TDRKH: variants seen among roughly 807,000 people sequenced by gnomAD.
The protein encoded by TDRKH is tudor and KH domain-containing protein.
TDRKH carries 28 observed loss-of-function variants against 61.3 expected under a neutral mutation model. The ratio of observed to expected loss-of-function variants is 0.46; its 90% CI spans 0.34 to 0.63. The LOEUF (loss-of-function observed/expected upper bound fraction) is 0.63, where lower values mean the gene tolerates loss of function less well. Ranked by LOEUF, TDRKH falls within the 20% of genes least tolerant of loss-of-function variation. The pLI, the probability that TDRKH is intolerant of heterozygous loss-of-function variation, is 0.01. For missense variants in TDRKH, 540 were observed against 683.4 expected (o/e 0.79, Z 2.34); for synonymous variants, 219 against 244.4 (o/e 0.90, Z 0.97).
chr1:151,783,604 T>C (rs1367787303), intron 1 of TDRKH: 1 of 152,282 alleles, frequency 6.6e-6, no homozygotes, highest in African/African-American at 2.4e-5. Flanking sequence ...CTACAGGTCA[T>C]GCATGGAGCC....
In TDRKH at chr1:151,778,780, A is replaced by G. The variant is rs758924494; in HGVS notation, c.788T>C (p.Val263Ala). The change falls in exon 6 of 13, where the codon GTG (valine) becomes GCG (alanine). Residue 263 changes from valine to alanine, a missense_variant. Val to Ala is a moderately conservative substitution (Grantham distance 64). Around this residue, in one of 3 missense-constraint regions of TDRKH, gnomAD observed 379 missense variants for 443.8 expected, o/e 0.85. Transcript: ENST00000368824. The part of the protein sequence containing the change: ...PPPKGGGDMA[V>A]VVSKEGSWEK... ...CCAGGAACCTTCCTTTGACACTACC[A>G]CAGCCATGTCGCCTCCTCCTTTGGG... 6.2e-7 allele frequency: 1 copy of G among 1,614,192 alleles called. No individual in the cohort carries two copies. Among genetic ancestry groups the G allele is most frequent in the South Asian group, 1.1e-5 (1 of 91,084 alleles).
chr1:151,788,601 C>A (rs144426686), intron 1 of TDRKH, among the ~76,000 whole-genome samples: 1 of 152,150 alleles, frequency 6.6e-6, no homozygotes, highest in Non-Finnish European at 1.5e-5. Flanking sequence ...CCATTAATAA[C>A]GTTGCAATTT....
At chr1:151,779,829 T>C (rs1649572360) in intron 4 of TDRKH, 122 bp downstream of exon 4, 4 of 1,006,310 alleles carry the variant, frequency 4.0e-6, no homozygotes, top group Non-Finnish European at 5.8e-6. Flanking sequence ...CTGGTCTCAA[T>C]GTCCCTTTTT....
At chr1:151,784,589 C>T (rs1221292084) in intron 1 of TDRKH, among the ~76,000 whole-genome samples, 4 of 152,180 alleles carry the variant, frequency 2.6e-5, no homozygotes. Flanking sequence ...CCATAGCACA[C>T]CCTCCTGGTT....
At chr1:151,769,640 A>C, downstream of TDRKH, 1 of 224,150 alleles carries the variant, frequency 4.5e-6, no homozygotes, top group Non-Finnish European at 8.8e-6. Context: ...ATGGGCGGCC[A>C]GGCAGAGACG....
Position 151,779,241 on chromosome 1 carries a change from C to G in TDRKH, c.423G>C (p.Gly141=), listed in dbSNP as rs376073272. 1.0e-4 allele frequency: 166 copies of G among 1,613,660 alleles called. No homozygotes were observed. Among genetic ancestry groups the G allele is most frequent in the Non-Finnish European group, 1.4e-4 (164 of 1,179,908 alleles). The stretch of plus-strand genomic sequence containing the variant: ...TAGAACGAATTGTCTCGCCGCCTCT[C>G]CCTACATTAAACAATATATAAAAAC... ...VPQRSVGRII[G]RGGETIRSIC... Residue 141 remains glycine (G), a splice_region_variant and synonymous_variant, in exon 5 of 13, where the codon GGG becomes GGC. Transcript: ENST00000368824.
Position 151,775,424 on chromosome 1 carries a change from T to TTGGCCAAGTTGAGATCCCAGTC in TDRKH, c.1380_1401dup (p.Lys468AspfsTer13). The TTGGCCAAGTTGAGATCCCAGTC allele has an allele frequency of 6.2e-7, 1 of 1,613,952 alleles. No individual in the cohort carries two copies. ...TTGCTAGTATCATATAAGTAGATCT[T>TTGGCCAAGTTGAGATCCCAGTC]TGGCCAAGTTGAGATCCCAGTCTGG... On this transcript the variant is annotated frameshift_variant, in exon 10 of 13. Coordinates refer to ENST00000368824, the MANE Select transcript of TDRKH (RefSeq NM_001083965.2). LOFTEE classifies it high-confidence loss of function.
At chr1:151,783,195 T>G (rs1283070484) in intron 1 of TDRKH, 146 bp from the exon 2 acceptor site, 1 of 629,734 alleles carries the variant, frequency 1.6e-6, no homozygotes, top group Non-Finnish European at 2.4e-6. Context: ...AAAATTTATT[T>G]CATATAAAAA....
chr1:151,786,756 G>A (rs189833495), intron 1 of TDRKH, among the ~76,000 whole-genome samples: 8 of 152,198 alleles, frequency 5.3e-5, no homozygotes, highest in Admixed American at 5.2e-4. Context: ...ATAATAAAAC[G>A]GCCTTTTACT....
downstream of TDRKH, chr1:151,772,130 G>A: frequency 2.6e-6 from 1 of 391,496 alleles, no homozygotes; most frequent in Non-Finnish European, 4.5e-6. Flanking sequence ...GCATCTTGCT[G>A]TGTCACACAG....
chr1:151,768,201 A>G (rs767830498), downstream of TDRKH: 2 of 1,613,566 alleles, frequency 1.2e-6, no homozygotes, highest in Non-Finnish European at 1.7e-6. Flanking sequence ...TGGATATCCC[A>G]TATCAGGCCT....
rs756412267 is a variant in TDRKH, at chr1:151,775,046, T to C, written c.1536+19A>G. 2 of 1,612,906 alleles carry C rather than the reference T, an allele frequency of 1.2e-6. No individual in the cohort carries two copies. Among genetic ancestry groups the C allele is most frequent in the South Asian group, 2.2e-5 (2 of 90,932 alleles). ...AGATTTGCCTGGAAGCAGCACCCTATATAACTACAATAGCTCACCATGTCC... is the reference window on the plus strand; with the variant it reads ...AGATTTGCCTGGAAGCAGCACCCTACATAACTACAATAGCTCACCATGTCC... On this transcript the variant is annotated intron_variant, in intron 11 of 12. Transcript: ENST00000368824.
At chr1:151,788,021 T>C (rs1378002721) in intron 1 of TDRKH, among the ~76,000 whole-genome samples, 1 of 151,378 alleles carries the variant, frequency 6.6e-6, no homozygotes, top group Non-Finnish European at 1.5e-5. Context: ...GGGCAAGATG[T>C]GTGTAGGTTA....
chr1:151,775,617 T>C, intron 9 of TDRKH, 74 bp from the exon 10 acceptor site: 1 of 1,544,354 alleles, frequency 6.5e-7, no homozygotes, highest in Non-Finnish European at 8.7e-7. Context: ...GAACTACCCT[T>C]TTCTACTCAG....
intron 1 of TDRKH, among the ~76,000 whole-genome samples, chr1:151,787,094 T>C (rs1399118108): frequency 6.6e-6 from 1 of 152,242 alleles, no homozygotes; most frequent in African/African-American, 2.4e-5. Context: ...AGTTGTTTCA[T>C]AAAGGAGATT....
At chr1:151,784,724 CTT>C (rs1156874632) in intron 1 of TDRKH, among the ~76,000 whole-genome samples, 5 of 152,236 alleles carry the variant, frequency 3.3e-5, no homozygotes, top group African/African-American at 1.2e-4. Context: ...TTCTACCTCA[CTT>C]TCTTGGTGAT....
Position 151,776,508 on chromosome 1 carries a change from G to A in TDRKH, c.975C>T (p.Ile325=), listed in dbSNP as rs772266615. ...CCAATTGCAGGCTGCGGGAGCCAAC[G>A]ATCTGGATCCAGAAGTGGTTAGGGT... ...SEHPNHFWIQ[I]VGSRSLQLDK... Residue 325 remains isoleucine, a synonymous_variant, in exon 7 of 13, where the codon ATC becomes ATT. Coordinates refer to ENST00000368824, the MANE Select transcript of TDRKH (RefSeq NM_001083965.2). The A allele has an allele frequency of 1.1e-5, 18 of 1,614,022 alleles. No individual in the cohort carries two copies. The highest frequency in any genetic ancestry group is 5.3e-5 in the African/African-American group (4 of 74,884).
intron 3 of TDRKH, 71 bp downstream of exon 3, chr1:151,781,410 G>A (rs991359024): frequency 7.5e-7 from 1 of 1,331,374 alleles, no homozygotes; most frequent in South Asian, 1.3e-5. Flanking sequence ...TATGGGGTCA[G>A]TGGAAGGAAA....
chr1:151,776,701 C>T, intron 6 of TDRKH, 102 bp from the exon 7 acceptor site: 3 of 1,381,358 alleles, frequency 2.2e-6, no homozygotes, highest in Non-Finnish European at 2.0e-6. Flanking sequence ...ATGGCTGTTA[C>T]CATTTTAAAA....
Sources: gnomAD v4.1 joint callset for allele counts (sites outside exome capture counted in the v4.1 genomes callset) on GRCh38, gnomAD v4.1.1 for gene constraint, gnomAD v4.1.1 regional missense constraint, MANE v1.5 for transcripts, NCBI Gene and HGNC (gene_info 2026-07-23, HGNC 2026-07-21) for gene names.